Variants in SNRK observed in about 807,000 individuals in gnomAD.
The protein encoded by SNRK is SNF-related serine/threonine-protein kinase.
In SNRK, 3 loss-of-function variants were observed where a neutral mutation model predicts 48.2. The observed-to-expected ratio is 0.06, with a 90% CI of 0.03 to 0.16. The LOEUF is 0.16. Among genes scored for constraint, SNRK ranks in the 10% least tolerant of loss-of-function variants. The pLI, the probability that SNRK is intolerant of heterozygous loss-of-function variation, is 1.00. For synonymous variants in SNRK, 376 were observed against 366.1 expected, an observed-to-expected ratio of 1.03 and a Z score of -0.31; for missense variants, 627 against 976.0, an observed-to-expected ratio of 0.64 and a Z score of 4.76.
chr3:43,301,864 A>G (rs1037372701), intron 2 of SNRK, among the ~76,000 whole-genome samples: 2 of 152,226 alleles, frequency 1.3e-5, no homozygotes, highest in Admixed American at 1.3e-4. Context: ...AATGTTGGTC[A>G]GAACAAAAGT....
intron 2 of SNRK, among the ~76,000 whole-genome samples, chr3:43,302,554 T>C (rs973316767): frequency 1.3e-5 from 2 of 151,830 alleles, no homozygotes; most frequent in Admixed American, 6.6e-5. Flanking sequence ...CCACATAGAA[T>C]AGAGGTGTCC....
intron 3 of SNRK, among the ~76,000 whole-genome samples, chr3:43,322,974 T>C (rs1167590726): frequency 7.5e-5 from 5 of 66,796 alleles, no homozygotes; most frequent in Non-Finnish European, 1.7e-4. Flanking sequence ...AAAGACTGTA[T>C]TGGCAAAGGG....
At chr3:43,332,365 T>A in intron 4 of SNRK, 55 bp downstream of exon 4, 1 of 1,240,790 alleles carries the variant, frequency 8.1e-7, no homozygotes, top group Non-Finnish European at 1.0e-6. Flanking sequence ...AACCAGAAGT[T>A]TTAATTCCAT....
chr3:43,314,043 C>G (rs368167208), intron 3 of SNRK, among the ~76,000 whole-genome samples: 6 of 152,092 alleles, frequency 3.9e-5, no homozygotes, highest in African/African-American at 1.2e-4. Context: ...TGCATTCTAA[C>G]AAATATCAGT....
intron 1 of SNRK, among the ~76,000 whole-genome samples, chr3:43,292,438 T>G (rs892181477): frequency 2.0e-5 from 3 of 152,240 alleles, no homozygotes; most frequent in African/African-American, 7.2e-5. Context: ...TGACTAAACT[T>G]AAGTATAATT....
At chr3:43,324,999 C>G (rs1003741694) in intron 3 of SNRK, among the ~76,000 whole-genome samples, 3 of 152,160 alleles carry the variant, frequency 2.0e-5, no homozygotes, top group African/African-American at 7.2e-5. Context: ...TCCCCAGTGC[C>G]CAGAAAGCTT....
chr3:43,336,943 G>A (rs956193004), intron 4 of SNRK, among the ~76,000 whole-genome samples: 4 of 152,028 alleles, frequency 2.6e-5, no homozygotes. Flanking sequence ...TAGTAGAGAC[G>A]GGTTTTCACC....
intron 3 of SNRK, among the ~76,000 whole-genome samples, chr3:43,324,258 C>T (rs747074461): frequency 1.3e-5 from 2 of 152,136 alleles, no homozygotes; most frequent in East Asian, 1.9e-4. Context: ...GCCTGTAATC[C>T]GAGCACTTTG....
At chr3:43,306,154 T>A (rs909599159) in intron 3 of SNRK, among the ~76,000 whole-genome samples, 14 of 152,196 alleles carry the variant, frequency 9.2e-5, no homozygotes, top group Non-Finnish European at 2.1e-4. Flanking sequence ...CATAGGTAAC[T>A]TTTTCATTTT....
In SNRK at chr3:43,303,746, C is replaced by T. The variant is rs540689823; in HGVS notation, c.543C>T (p.Ser181=). ...CAAGCTGTGGATCTCTTGCATATTC[C>T]GCTCCAGAAATTCTGCTTGGTGATG... The part of the protein sequence containing the change: ...LTTSCGSLAY[S]APEILLGDEY... The change falls in exon 3 of 7, where the codon TCC becomes TCT. Residue 181 remains serine, a synonymous_variant. Transcript: ENST00000296088. This position sits in a 1 kb window ranked among gnomAD's most constrained non-coding sequence, Gnocchi z 6.2. 44 of 1,613,740 alleles carry T rather than the reference C, an allele frequency of 2.7e-5. No homozygotes were observed. The highest frequency in any genetic ancestry group is 6.7e-5 in the East Asian group (3 of 44,868).
At chr3:43,288,842 T>G (rs1461248439) in intron 1 of SNRK, among the ~76,000 whole-genome samples, 1 of 152,232 alleles carries the variant, frequency 6.6e-6, no homozygotes, top group African/African-American at 2.4e-5. Flanking sequence ...ACTAAGATGC[T>G]TTAGTAAGAA....
rs1043889657 is a variant in SNRK at position 43,348,655 on chromosome 3, G to A, written c.*98G>A. On this transcript the variant is annotated 3_prime_UTR_variant, in exon 7 of 7. Coordinates refer to ENST00000296088, the MANE Select transcript of SNRK (RefSeq NM_017719.5). ...TTGGTTTTACTATTTTAAAGTGGGC[G>A]TTAGGAGCAATTATTTATTACCTTT... The A allele has an allele frequency of 8.3e-5, 104 of 1,249,046 alleles. No individual in the cohort carries two copies. Among genetic ancestry groups the A allele is most frequent in the African/African-American group, 2.1e-4 (14 of 65,490 alleles). The allele number at this position is 1,249,046 out of a possible 1,614,324, so 77.4% of individuals were successfully genotyped here.
intron 3 of SNRK, among the ~76,000 whole-genome samples, chr3:43,307,249 T>G (rs2090944761): frequency 6.6e-6 from 1 of 152,228 alleles, no homozygotes; most frequent in African/African-American, 2.4e-5. Flanking sequence ...GAGTTATACC[T>G]TTTATCAATA....
intron 3 of SNRK, among the ~76,000 whole-genome samples, chr3:43,305,345 G>T (rs2090929300): frequency 6.6e-6 from 1 of 152,040 alleles, no homozygotes; most frequent in South Asian, 2.1e-4. Flanking sequence ...TACAGCAGGG[G>T]AATAATTCGT....
chr3:43,344,585 C>G (rs1010131821), intron 6 of SNRK, among the ~76,000 whole-genome samples: 3 of 151,990 alleles, frequency 2.0e-5, no homozygotes, highest in Non-Finnish European at 2.9e-5. Context: ...CCCAGCTTGC[C>G]AAACAGTAAA....
At chr3:43,301,794 G>A (rs1163815195) in intron 2 of SNRK, among the ~76,000 whole-genome samples, 1 of 152,204 alleles carries the variant, frequency 6.6e-6, no homozygotes, top group Non-Finnish European at 1.5e-5. Context: ...ACTAATGGGA[G>A]AGAGCTAGCC....
At position 43,350,864 on chromosome 3, in the gene SNRK, G is replaced by T. The variant is rs1329358996; in HGVS notation, c.*2307G>T. The T allele has an allele frequency of 6.6e-6, 1 of 152,092 alleles. No homozygotes were observed. Among genetic ancestry groups the T allele is most frequent in the Admixed American group, 6.6e-5 (1 of 15,238 alleles). The allele number at this position is 152,092 out of a possible 1,614,324, so 9.4% of individuals were successfully genotyped here. A position where few individuals can be genotyped will look rare whatever the true frequency, so the allele number is the denominator to read the frequency against. On this transcript the variant is annotated 3_prime_UTR_variant, in exon 7 of 7. Coordinates refer to ENST00000296088, the MANE Select transcript of SNRK (RefSeq NM_017719.5). ...CAGTCTTGTATTTTTCTGTATGTGT[G>T]TATATATATATAATTATGTACTTCT...
chr3:43,311,755 C>T (rs776711649), intron 3 of SNRK, among the ~76,000 whole-genome samples: 21 of 152,148 alleles, frequency 1.4e-4, no homozygotes, highest in Middle Eastern at 3.4e-3. Context: ...CTGCTGAAAC[C>T]GATGGATGTC....
At chr3:43,341,181 C>T (rs373363321) in intron 5 of SNRK, among the ~76,000 whole-genome samples, 3 of 151,002 alleles carry the variant, frequency 2.0e-5, no homozygotes, top group East Asian at 1.9e-4. Context: ...GATGGAGTCT[C>T]GCTCTGTCGC....
Sources: gnomAD v4.1 joint callset for allele counts (sites outside exome capture counted in the v4.1 genomes callset) on GRCh38, gnomAD v4.1.1 for gene constraint, Gnocchi (gnomAD v3.1) non-coding constraint, MANE v1.5 for transcripts, NCBI Gene and HGNC (gene_info 2026-07-23, HGNC 2026-07-21) for gene names.